ARHGEF39: variants seen among roughly 807,000 people sequenced by gnomAD.
ARHGEF39 encodes Rho guanine nucleotide exchange factor 39, also known as Rho guanine nucleotide exchange factor (GEF) 39.
ARHGEF39 carries 45 observed loss-of-function variants against 47.5 expected under a neutral mutation model. The observed-to-expected ratio is 0.95, with a 90% CI of 0.75 to 1.22. The LOEUF is 1.22. ARHGEF39 is among the 50% of genes most tolerant of loss of function. The pLI is 0.00. For missense variants in ARHGEF39, 411 were observed against 425.3 expected, an observed-to-expected ratio of 0.97 and a Z score of 0.30; for synonymous variants, 164 against 167.8, an observed-to-expected ratio of 0.98 and a Z score of 0.17.
intron 5 of ARHGEF39, 113 bp downstream of exon 5, chr9:35,663,209 G>GC: frequency 1.9e-6 from 3 of 1,552,198 alleles, no homozygotes; most frequent in Non-Finnish European, 2.7e-6. Flanking sequence ...TAGGGACACT[G>GC]TATACATGTC....
In ARHGEF39 at chr9:35,660,737, T is replaced by C. The variant is rs1823882463; in HGVS notation, c.*1250A>G. 1.2e-6 allele frequency: 2 copies of C among 1,613,866 alleles called. No homozygotes were observed. The highest frequency in any genetic ancestry group is 1.3e-5 in the African/African-American group (1 of 74,890). On this transcript the variant is annotated 3_prime_UTR_variant, in exon 9 of 9. Transcript: ENST00000378387. ...TAGGTTGGGAGCCACTGAGTGGACA[T>C]TTCTTCAGTGTGACTACTCTGGCTG...
In ARHGEF39 at chr9:35,663,339, TCA is replaced by T. The variant is rs1824073617; in HGVS notation, c.525_526del (p.Asp176ProfsTer13). The T allele has an allele frequency of 6.2e-7, 1 of 1,613,936 alleles. No individual in the cohort carries two copies. Among genetic ancestry groups the T allele is most frequent in the Non-Finnish European group, 8.5e-7 (1 of 1,179,934 alleles). ...GAACCTACGTGTGAGCTGTTGATGG[TCA>T]GGGCTGTTGGGACCTGTGTTTTCAG... On this transcript the variant is annotated frameshift_variant, in exon 5 of 9. Transcript: ENST00000378387. LOFTEE classifies it high-confidence loss of function.
rs1233995094 is a variant in ARHGEF39, at chr9:35,661,985, C to A, written c.*2G>T. 2 of 1,613,712 alleles carry A rather than the reference C, an allele frequency of 1.2e-6. No homozygotes were observed. Among genetic ancestry groups the A allele is most frequent in the Non-Finnish European group, 1.7e-6 (2 of 1,179,880 alleles). ...CTGAGTTCTGGAATCTATAAGATTC[C>A]TCTAGTTTTTCTGGCTGCTGTGGAG... On this transcript the variant is annotated 3_prime_UTR_variant, in exon 9 of 9. Transcript: ENST00000378387.
At position 35,662,947 on chromosome 9, in the gene ARHGEF39, T is replaced by C. The variant is rs1587933647; in HGVS notation, c.672A>G (p.Ser224=). 1 of 1,602,802 alleles carries C rather than the reference T, an allele frequency of 6.2e-7. No individual in the cohort carries two copies. The highest frequency in any genetic ancestry group is 8.5e-7 in the Non-Finnish European group (1 of 1,170,688). Residue 224 remains serine (S), a splice_region_variant and synonymous_variant, in exon 6 of 9, where the codon TCA becomes TCG. Coordinates refer to ENST00000378387, the MANE Select transcript of ARHGEF39 (RefSeq NM_032818.3). ...LSGRQAKGLT[S]GRWFLRQGWL... ...TTGAAGGGGAAGTAGGCAAGCTACC[T>C]GAGGTCAGCCCCTTTGCCTGGCGTC...
rs1036812360 is a variant in ARHGEF39, at chr9:35,662,806, A to T, written c.674-65T>A. ...GATACATGGGAATAAGAGGAAAGGG[A>T]GGCTGAGAAAATAGGGGTTATGTGC... On this transcript the variant is annotated intron_variant, in intron 6 of 8. Transcript: ENST00000378387. 5.9e-6 allele frequency: 9 copies of T among 1,519,876 alleles called. No homozygotes were observed. The Middle Eastern group carries it at 7.1e-4, about 119-fold the overall frequency. 94.1% of individuals were successfully genotyped at this position (1,519,876 alleles called of 1,614,324 possible). A position where few individuals can be genotyped will look rare whatever the true frequency, so the allele number is the denominator to read the frequency against.
chr9:35,661,278 T>G lies in ARHGEF39; in HGVS notation c.*709A>C. ...ACAACTGGGCCTTCTTGAAGAGCTG[T>G]CCTTATTAGGACAAAAAGAGGCTGC... On this transcript the variant is annotated 3_prime_UTR_variant, in exon 9 of 9. Transcript: ENST00000378387. 1.1e-6 allele frequency: 1 copy of G among 886,584 alleles called. No homozygotes were observed. The allele number at this position is 886,584 out of a possible 1,614,324, so 54.9% of individuals were successfully genotyped here. A position where few individuals can be genotyped will look rare whatever the true frequency, so the allele number is the denominator to read the frequency against.
chr9:35,664,142 A>G lies in ARHGEF39; in HGVS notation c.355-16T>C, dbSNP rs1587936044. On this transcript the variant is annotated splice_polypyrimidine_tract_variant and intron_variant, in intron 3 of 8. Transcript: ENST00000378387. ...TTAGCTGCTCCTGGAGTGAGGGAGA[A>G]AGGATTGGAAGCAGGGAGAGAAGCC... 2 of 1,610,060 alleles carry G rather than the reference A, an allele frequency of 1.2e-6. No homozygotes were observed. The highest frequency in any genetic ancestry group is 2.2e-5 in the East Asian group (1 of 44,872).
intron 8 of ARHGEF39, 34 bp from the exon 9 acceptor site, chr9:35,662,036 T>C (rs1207945232): frequency 1.2e-6 from 2 of 1,613,346 alleles, no homozygotes; most frequent in East Asian, 4.5e-5. Context: ...CAGGCACTGG[T>C]ATGAGTGCTT....
chr9:35,660,500 T>C lies in ARHGEF39; in HGVS notation c.*1487A>G. The C allele has an allele frequency of 6.2e-7, 1 of 1,613,320 alleles. No homozygotes were observed. Among genetic ancestry groups the C allele is most frequent in the Non-Finnish European group, 8.5e-7 (1 of 1,179,454 alleles). ...AAGTCTGTGCTGGGTCGGGGGAGTT[T>C]AGGGGACAGCAGAAGATACATAACC... On this transcript the variant is annotated 3_prime_UTR_variant, in exon 9 of 9. Coordinates refer to ENST00000378387, the MANE Select transcript of ARHGEF39 (RefSeq NM_032818.3).
rs769809480 is a variant in ARHGEF39, at chr9:35,661,125, A to T, written c.*862T>A. ...GGCTGTGGCAAAGGGCCCCAGTCAC[A>T]GCCTTGGCTGGGAAGGAGGGACGAC... On this transcript the variant is annotated 3_prime_UTR_variant, in exon 9 of 9. Transcript: ENST00000378387. 12 of 1,613,248 alleles carry T rather than the reference A, an allele frequency of 7.4e-6. No homozygotes were observed. In the Admixed American group the frequency reaches 1.2e-4, roughly 16 times the overall value.
chr9:35,664,410 A>G lies in ARHGEF39; in HGVS notation c.316T>C (p.Phe106Leu), dbSNP rs1311060305. The change falls in exon 3 of 9, where the codon TTT becomes CTT. Residue 106 changes from phenylalanine to leucine, a missense_variant. Coordinates refer to ENST00000378387, the MANE Select transcript of ARHGEF39 (RefSeq NM_032818.3). ...FCRHLELYNQ[F>L]AANSERSQTT... The stretch of plus-strand genomic sequence containing the variant: ...TGGGACCTCTCTGAGTTGGCAGCAA[A>G]TTGGTTATAGAGCTCCAAGTGGCGG... 1 of 1,613,188 alleles carries G rather than the reference A, an allele frequency of 6.2e-7. No individual in the cohort carries two copies. The highest frequency in any genetic ancestry group is 1.7e-5 in the Admixed American group (1 of 59,808).
At chr9:35,665,004 T>C (rs1824159732) in intron 1 of ARHGEF39, 28 bp downstream of exon 1, 2 of 1,535,456 alleles carry the variant, frequency 1.3e-6, no homozygotes, top group African/African-American at 1.4e-5. Flanking sequence ...CCCTGTCCTA[T>C]AATGGGAGCG....
intron 3 of ARHGEF39, 51 bp from the exon 4 acceptor site, chr9:35,664,177 A>G: frequency 6.4e-7 from 1 of 1,567,014 alleles, no homozygotes; most frequent in South Asian, 1.1e-5. Context: ...CACTCCTTAT[A>G]TTGCATTCAT....
rs750479554 is a variant in ARHGEF39 at position 35,664,084 on chromosome 9, G to A, written c.397C>T (p.Leu133Phe). Residue 133 changes from leucine (L) to phenylalanine (F), a missense_variant, in exon 4 of 9, where the codon CTT becomes TTT. Coordinates refer to ENST00000378387, the MANE Select transcript of ARHGEF39 (RefSeq NM_032818.3). ...KNKGFRRFVR[L>F]QEGRPEFGGL... ...CCAAACTCAGGGCGGCCTTCCTGAA[G>A]CCGTACAAACCTCCGGAAACCTTTA... 10 of 1,614,014 alleles carry A rather than the reference G, an allele frequency of 6.2e-6. No individual in the cohort carries two copies. The highest frequency in any genetic ancestry group is 8.5e-6 in the Non-Finnish European group (10 of 1,179,984).
rs767004564 is a variant in ARHGEF39 at position 35,662,250 on chromosome 9, C to CCA, written c.920_921insTG (p.Glu307AspfsTer21). ...GGTCTGTGGACATAAGCAGTAGCTTCTCATGAGGGAAGGACAGCTAGAGAG... is the reference window on the plus strand; with the variant it reads ...GGTCTGTGGACATAAGCAGTAGCTTCCATCATGAGGGAAGGACAGCTAGAGAG... On this transcript the variant is annotated frameshift_variant, in exon 8 of 9. Transcript: ENST00000378387. LOFTEE classifies it high-confidence loss of function. 1.2e-6 allele frequency: 2 copies of CCA among 1,614,134 alleles called. No homozygotes were observed. Among genetic ancestry groups the CCA allele is most frequent in the Non-Finnish European group, 1.7e-6 (2 of 1,179,982 alleles).
intron 7 of ARHGEF39, 46 bp from the exon 8 acceptor site, chr9:35,662,313 C>A: frequency 6.3e-7 from 1 of 1,576,698 alleles, no homozygotes; most frequent in South Asian, 1.1e-5. Flanking sequence ...AAGGTCCAGG[C>A]TAAAGCTGAA....
Position 35,662,164 on chromosome 9 carries a change from G to A in ARHGEF39, c.992+15C>T, listed in dbSNP as rs192748579. ...CCTCATCACAGCACCCTTCCTGGGG[G>A]AAGACACAACTTACCTGATAGCCCA... is the stretch of plus-strand genomic sequence containing the variant. On this transcript the variant is annotated intron_variant, in intron 8 of 8. Coordinates refer to ENST00000378387, the MANE Select transcript of ARHGEF39 (RefSeq NM_032818.3). 6.0e-5 allele frequency: 97 copies of A among 1,612,822 alleles called. 1 individual carries two copies. In the African/African-American group the frequency reaches 7.5e-4, roughly 12 times the overall value.
rs72727021 is a variant in ARHGEF39, at chr9:35,661,946, A to G, written c.*41T>C. On this transcript the variant is annotated 3_prime_UTR_variant, in exon 9 of 9. Coordinates refer to ENST00000378387, the MANE Select transcript of ARHGEF39 (RefSeq NM_032818.3). ...TCCTTTGTACTCTTGGCTGTGACCT[A>G]TCCCTGAGGTATCCTGAGTTCTGGA... The G allele has an allele frequency of 1.0e-5, 16 of 1,605,068 alleles. No homozygotes were observed. Among genetic ancestry groups the G allele is most frequent in the Non-Finnish European group, 1.2e-5 (14 of 1,174,374 alleles).
In ARHGEF39 at chr9:35,660,974, AAAG is replaced by A. The variant is rs754479840; in HGVS notation, c.*1010_*1012del. 2 of 1,614,156 alleles carry A rather than the reference AAAG, an allele frequency of 1.2e-6. No individual in the cohort carries two copies. Among genetic ancestry groups the A allele is most frequent in the Admixed American group, 1.7e-5 (1 of 60,022 alleles). ...GACCTCTTCCTGAGGACTTCTGTTTAAAGGAGGACGAGGAGGAGATTGGTGACA... is the reference window on the plus strand; with the variant it reads ...GACCTCTTCCTGAGGACTTCTGTTTAGAGGACGAGGAGGAGATTGGTGACA... On this transcript the variant is annotated 3_prime_UTR_variant, in exon 9 of 9. Transcript: ENST00000378387.
Sources: gnomAD v4.1 joint callset for allele counts on GRCh38, gnomAD v4.1.1 for gene constraint, MANE v1.5 for transcripts, NCBI Gene and HGNC (gene_info 2026-07-23, HGNC 2026-07-21) for gene names.